Variants in ALK observed in about 807,000 individuals in gnomAD.
ALK encodes the protein ALK tyrosine kinase receptor.
Under a neutral mutation model 163.1 loss-of-function variants are expected in ALK, and 74 were observed. The observed-to-expected ratio is 0.45, with a 90% CI of 0.38 to 0.55. ALK has a LOEUF of 0.55. Among genes scored for constraint, ALK ranks in the 20% least tolerant of loss-of-function variants. The probability of loss-of-function intolerance (pLI) is 0.00; values close to 1 mark genes in which losing one functional copy is unlikely to be tolerated. For synonymous variants in ALK, 960 were observed against 843.2 expected, an observed-to-expected ratio of 1.14 and a Z score of -2.40; for missense variants, 2,063 against 2,105.3, an observed-to-expected ratio of 0.98 and a Z score of 0.39.
intron 3 of ALK, among the ~76,000 whole-genome samples, chr2:29,640,342 A>T (rs1292482499): frequency 6.6e-6 from 1 of 152,176 alleles, no homozygotes; most frequent in Admixed American, 6.5e-5. Context: ...GTGGTTTGGC[A>T]CCGGTCCCAT....
At chr2:29,690,701 C>CAA (rs1558443698) in intron 3 of ALK, among the ~76,000 whole-genome samples, 2 of 152,090 alleles carry the variant, frequency 1.3e-5, no homozygotes, top group Non-Finnish European at 2.9e-5. Context: ...TTGTATCTTC[C>CAA]TTATTATTCT....
intron 5 of ALK, among the ~76,000 whole-genome samples, chr2:29,383,303 C>T (rs1164088901): frequency 6.6e-6 from 1 of 152,042 alleles, no homozygotes; most frequent in East Asian, 1.9e-4. Flanking sequence ...TCAGAACTAG[C>T]CCCTAAAACA....
At chr2:29,236,723 C>T (rs1448942849) in intron 13 of ALK, among the ~76,000 whole-genome samples, 7 of 152,152 alleles carry the variant, frequency 4.6e-5, no homozygotes, top group Non-Finnish European at 1.0e-4. Context: ...TTCTTTGTCC[C>T]GCTTTGCTGG....
At chr2:29,505,268 G>T (rs1672287457) in intron 4 of ALK, among the ~76,000 whole-genome samples, 1 of 152,168 alleles carries the variant, frequency 6.6e-6, no homozygotes, top group Non-Finnish European at 1.5e-5. Context: ...CCCCCAGCAT[G>T]CCTCTGGGGG....
chr2:29,695,731 A>C (rs565522833), intron 2 of ALK, among the ~76,000 whole-genome samples: 1 of 152,376 alleles, frequency 6.6e-6, no homozygotes, highest in African/African-American at 2.4e-5. Flanking sequence ...TCTCAAAAGA[A>C]GACAGTTATG....
chr2:29,456,927 G>A (rs1670971418), intron 4 of ALK, among the ~76,000 whole-genome samples: 1 of 152,056 alleles, frequency 6.6e-6, no homozygotes, highest in African/African-American at 2.4e-5. Flanking sequence ...GAGAATAACT[G>A]AAAAGTGGCC....
At chr2:29,447,054 C>T (rs1670702218) in intron 4 of ALK, among the ~76,000 whole-genome samples, 3 of 152,180 alleles carry the variant, frequency 2.0e-5, no homozygotes. Flanking sequence ...CCAACCCTCC[C>T]CTAAGGACCT....
chr2:29,303,001 A>G (rs1573209130), intron 8 of ALK, among the ~76,000 whole-genome samples: 1 of 152,242 alleles, frequency 6.6e-6, no homozygotes, highest in East Asian at 1.9e-4. Context: ...AGCAAATGCA[A>G]CAAAAACAAA....
At chr2:29,832,000 T>C (rs1198711740) in intron 1 of ALK, among the ~76,000 whole-genome samples, 1 of 152,230 alleles carries the variant, frequency 6.6e-6, no homozygotes, top group South Asian at 2.1e-4. Context: ...GTATACTGAA[T>C]ACGATTTATG....
At chr2:29,629,178 C>G (rs559122425) in intron 3 of ALK, among the ~76,000 whole-genome samples, 23 of 152,180 alleles carry the variant, frequency 1.5e-4, no homozygotes, top group Admixed American at 6.5e-5. Flanking sequence ...GTAAGCACAT[C>G]TGAGTTTTAA....
chr2:29,386,784 C>T (rs1360168319), intron 4 of ALK, among the ~76,000 whole-genome samples: 2 of 152,220 alleles, frequency 1.3e-5, no homozygotes, highest in African/African-American at 2.4e-5. Flanking sequence ...AGTTGCCAAA[C>T]ATGTATTTTA....
At chr2:29,304,894 G>A (rs560998700) in intron 8 of ALK, among the ~76,000 whole-genome samples, 17 of 152,238 alleles carry the variant, frequency 1.1e-4, no homozygotes, top group Non-Finnish European at 2.1e-4. Context: ...ATGACATGGT[G>A]AAACCAGTGG....
At chr2:29,681,815 C>T (rs1423593179) in intron 3 of ALK, among the ~76,000 whole-genome samples, 14 of 151,418 alleles carry the variant, frequency 9.2e-5, no homozygotes, top group Admixed American at 5.3e-4. Flanking sequence ...ATGTGATTTC[C>T]TTCTGAAGGA....
intron 3 of ALK, among the ~76,000 whole-genome samples, chr2:29,596,021 A>G (rs1470204803): frequency 6.6e-6 from 1 of 152,216 alleles, no homozygotes; most frequent in Non-Finnish European, 1.5e-5. Flanking sequence ...ACGAGTGTCC[A>G]CTTAGATCCC....
intron 5 of ALK, among the ~76,000 whole-genome samples, chr2:29,381,589 T>G (rs910154356): frequency 1.3e-5 from 2 of 152,210 alleles, no homozygotes; most frequent in African/African-American, 2.4e-5. Context: ...TGCCTCATCA[T>G]GAAGGGACCA....
At chr2:29,588,695 C>G (rs1335817802) in intron 3 of ALK, among the ~76,000 whole-genome samples, 1 of 152,152 alleles carries the variant, frequency 6.6e-6, no homozygotes, top group Non-Finnish European at 1.5e-5. Context: ...TTAACTTTGC[C>G]ATTGTGGAGA....
intron 1 of ALK, among the ~76,000 whole-genome samples, chr2:29,870,683 A>C (rs1027325601): frequency 1.3e-5 from 2 of 152,216 alleles, no homozygotes; most frequent in Non-Finnish European, 2.9e-5. Flanking sequence ...AATAAATAAA[A>C]ATATGAAAAA....
chr2:29,649,383 T>TAGA (rs1189627246), intron 3 of ALK, among the ~76,000 whole-genome samples: 30 of 152,282 alleles, frequency 2.0e-4, no homozygotes, highest in African/African-American at 7.0e-4. Flanking sequence ...CACTGTGCTT[T>TAGA]CTGTTAGAAC....
intron 1 of ALK, among the ~76,000 whole-genome samples, chr2:29,727,205 G>A: frequency 6.6e-6 from 1 of 152,192 alleles, no homozygotes. Flanking sequence ...CTGGATCCTT[G>A]AAATTGGTCC....
Sources: allele counts gnomAD v4.1 joint callset (sites outside exome capture counted in the v4.1 genomes callset), GRCh38; gene constraint gnomAD v4.1.1; transcripts MANE v1.5; gene names NCBI Gene and HGNC (gene_info 2026-07-23, HGNC 2026-07-21).